The following GREB1 variants were observed in gnomAD, a reference collection of about 807,000 sequenced individuals.
GREB1 encodes the protein protein GREB1.
GREB1 carries 106 observed loss-of-function variants against 200.7 expected under a neutral mutation model. The ratio of observed to expected loss-of-function variants is 0.53; its 90% CI spans 0.45 to 0.62. The LOEUF is 0.62. GREB1 is among the 20% of genes least tolerant of loss of function. The pLI, the probability that GREB1 is intolerant of heterozygous loss-of-function variation, is 0.00. For synonymous variants in GREB1, 1,132 were observed against 1,092.4 expected (o/e 1.04, Z -0.72); for missense variants, 2,243 against 2,556.8 (o/e 0.88, Z 2.65).
intron 1 of GREB1, among the ~76,000 whole-genome samples, chr2:11,542,304 A>G (rs1464409369): frequency 5.3e-5 from 8 of 152,142 alleles, no homozygotes; most frequent in Non-Finnish European, 1.0e-4. Context: ...AGACCTGGCT[A>G]TCTGTACTTG....
intron 25 of GREB1, among the ~76,000 whole-genome samples, chr2:11,627,777 G>C (rs921917540): frequency 6.6e-6 from 1 of 152,212 alleles, no homozygotes; most frequent in South Asian, 2.1e-4. Context: ...AAGGTGTGCT[G>C]GATGGGAGCT....
intron 25 of GREB1, among the ~76,000 whole-genome samples, chr2:11,628,838 C>T (rs1015938507): frequency 1.3e-5 from 2 of 152,060 alleles, no homozygotes; most frequent in African/African-American, 2.4e-5. Flanking sequence ...GGCCTGTGTT[C>T]TCAGGGGTGC....
Position 11,588,909 on chromosome 2 carries a change from C to G in GREB1, c.1323C>G (p.Thr441=), listed in dbSNP as rs145106657. 1 of 1,614,040 alleles carries G rather than the reference C, an allele frequency of 6.2e-7. No homozygotes were observed. Among genetic ancestry groups the G allele is most frequent in the Non-Finnish European group, 8.5e-7 (1 of 1,179,984 alleles). ...CCGAGGAGATGCAGCTCCTGCTTACCGTCTACTACCTGGTCCAGCTGGGTG... is the reference window on the plus strand; with the variant it reads ...CCGAGGAGATGCAGCTCCTGCTTACGGTCTACTACCTGGTCCAGCTGGGTG... ...PISEEMQLLL[T]VYYLVQLAAD... Residue 441 remains threonine (T), a synonymous_variant, in exon 10 of 33, where the codon ACC becomes ACG. Transcript: ENST00000381486.
chr2:11,562,127 A>G (rs1169508983), intron 2 of GREB1, among the ~76,000 whole-genome samples: 1 of 152,240 alleles, frequency 6.6e-6, no homozygotes, highest in Non-Finnish European at 1.5e-5. Flanking sequence ...GCTGTGACAG[A>G]TGGAAGAGAA....
rs535327780 is a variant in GREB1, at chr2:11,585,248, A to C, written c.989A>C (p.Gln330Pro). Reference protein sequence around the residue: ...SPSAPDGGCPQGGGNRAKYES... With the variant: ...SPSAPDGGCPPGGGNRAKYES... The stretch of plus-strand genomic sequence containing the variant: ...TCAGCTCCAGATGGTGGCTGCCCCC[A>C]AGGTGGTGGGAACAGAGCTAAGTAT... The change falls in exon 8 of 33, where the codon CAA (glutamine) becomes CCA (proline). Residue 330 changes from glutamine to proline, a missense_variant. By Grantham distance (76) the Gln-to-Pro change is moderately conservative (BLOSUM62 -1). Around this residue, in one of 3 missense-constraint regions of GREB1, gnomAD observed 1,178 missense variants for 1,387.4 expected, o/e 0.85. Transcript: ENST00000381486. 1.9e-6 allele frequency: 3 copies of C among 1,568,948 alleles called. No homozygotes were observed. The East Asian group carries it at 6.8e-5, about 36-fold the overall frequency.
intron 1 of GREB1, among the ~76,000 whole-genome samples, chr2:11,488,359 A>G (rs925904182): frequency 6.6e-6 from 1 of 152,136 alleles, no homozygotes; most frequent in Non-Finnish European, 1.5e-5. Context: ...GAAAGTGCGC[A>G]TTTACTTGCT....
At chr2:11,562,628 C>G (rs770776094) in intron 3 of GREB1, 46 bp downstream of exon 3, 2 of 1,527,310 alleles carry the variant, frequency 1.3e-6, no homozygotes, top group African/African-American at 2.9e-5. Context: ...GCCATGCTGC[C>G]CGGAGGCAGT....
At chr2:11,628,934 G>T (rs527871458) in intron 25 of GREB1, among the ~76,000 whole-genome samples, 1 of 152,202 alleles carries the variant, frequency 6.6e-6, no homozygotes, top group African/African-American at 2.4e-5. Flanking sequence ...CAGAGGCCGC[G>T]TGGCCCCCTG....
intron 7 of GREB1, among the ~76,000 whole-genome samples, chr2:11,584,016 C>T (rs1489450859): frequency 6.6e-6 from 1 of 152,108 alleles, no homozygotes; most frequent in Non-Finnish European, 1.5e-5. Context: ...ACCTGGAGAA[C>T]CGTTGCTCTG....
chr2:11,486,384 G>C (rs539393882), intron 1 of GREB1, among the ~76,000 whole-genome samples: 107 of 152,228 alleles, frequency 7.0e-4, no homozygotes, highest in African/African-American at 2.5e-3. Context: ...TTAAAGTCCT[G>C]ACCTCAAGTA....
chr2:11,515,554 G>T (rs1458641589), intron 1 of GREB1, among the ~76,000 whole-genome samples: 1 of 152,078 alleles, frequency 6.6e-6, no homozygotes, highest in African/African-American at 2.4e-5. Flanking sequence ...TTCCTCTGCT[G>T]GAAGCCCTGT....
At chr2:11,502,387 ATT>A (rs760217942) in intron 1 of GREB1, among the ~76,000 whole-genome samples, 26 of 137,084 alleles carry the variant, frequency 1.9e-4, no homozygotes, top group African/African-American at 2.7e-4. Context: ...GACCTGGCTA[ATT>A]TTTTTTTTTT....
chr2:11,612,768 A>G (rs1025219850), intron 19 of GREB1, among the ~76,000 whole-genome samples, 158 bp downstream of exon 19: 1 of 152,236 alleles, frequency 6.6e-6, no homozygotes, highest in Non-Finnish European at 1.5e-5. Context: ...CTTTCCCAGC[A>G]TGGGCCTGAG....
chr2:11,547,866 T>C (rs1343950606), intron 1 of GREB1, among the ~76,000 whole-genome samples: 2 of 152,194 alleles, frequency 1.3e-5, no homozygotes, highest in South Asian at 2.1e-4. Flanking sequence ...AGCTTTCTTA[T>C]AGCTCTTTCC....
chr2:11,612,408 G>A, intron 18 of GREB1, 87 bp from the exon 19 acceptor site: 1 of 1,487,132 alleles, frequency 6.7e-7, no homozygotes, highest in East Asian at 2.3e-5. Context: ...AGTTTAAATT[G>A]GTGTGGGAGG....
At chr2:11,591,708 T>A in intron 10 of GREB1, 1 of 457,304 alleles carries the variant, frequency 2.2e-6, no homozygotes, top group East Asian at 4.1e-5. Flanking sequence ...GCGAAGGAAG[T>A]AACGTTCTAT....
intron 24 of GREB1, among the ~76,000 whole-genome samples, chr2:11,625,992 C>T (rs1239248189): frequency 6.6e-6 from 1 of 152,088 alleles, no homozygotes; most frequent in Non-Finnish European, 1.5e-5. Flanking sequence ...CTTAGAAAAC[C>T]ATTGCATCTC....
intron 2 of GREB1, among the ~76,000 whole-genome samples, chr2:11,560,641 C>A (rs1676921727): frequency 6.6e-6 from 1 of 151,588 alleles, no homozygotes; most frequent in Non-Finnish European, 1.5e-5. Flanking sequence ...GCGGAGATTG[C>A]AGTGAGCTGA....
intron 27 of GREB1, 36 bp from the exon 28 acceptor site, chr2:11,632,853 G>A (rs1684999244): frequency 5.0e-6 from 8 of 1,596,194 alleles, no homozygotes; most frequent in African/African-American, 1.3e-5. Context: ...TGTGGGTGCA[G>A]GTCAGTCCTG....
Sources: gnomAD v4.1 joint callset for allele counts (sites outside exome capture counted in the v4.1 genomes callset) on GRCh38, gnomAD v4.1.1 for gene constraint, gnomAD v4.1.1 regional missense constraint, MANE v1.5 for transcripts, NCBI Gene and HGNC (gene_info 2026-07-23, HGNC 2026-07-21) for gene names.